Variants in ABCA1 observed in about 807,000 individuals in gnomAD.
ABCA1 encodes the protein phospholipid-transporting ATPase ABCA1.
ABCA1 carries 133 observed loss-of-function variants against 262.5 expected under a neutral mutation model. That is an observed-to-expected ratio of 0.51 (90% CI 0.44 to 0.59). The LOEUF (loss-of-function observed/expected upper bound fraction) is 0.59. Among genes scored for constraint, ABCA1 ranks in the 20% least tolerant of loss-of-function variants. The pLI, the probability that ABCA1 is intolerant of heterozygous loss-of-function variation, is 0.00. For missense variants in ABCA1, 2,452 were observed against 2,777.5 expected (o/e 0.88, Z 2.63); for synonymous variants, 1,022 against 1,043.5 (o/e 0.98, Z 0.40).
At chr9:104,902,248 G>T (rs1840725222) in intron 2 of ABCA1, among the ~76,000 whole-genome samples, 1 of 152,170 alleles carries the variant, frequency 6.6e-6, no homozygotes, top group Non-Finnish European at 1.5e-5. Flanking sequence ...TTAAAGCCAA[G>T]TTCTGGCACA....
In ABCA1 at chr9:104,861,760, GA is replaced by G. The variant is rs764966772; in HGVS notation, c.461del (p.Phe154SerfsTer20). On this transcript the variant is annotated frameshift_variant, in exon 6 of 50. Transcript: ENST00000374736. LOFTEE classifies it high-confidence loss of function. ...AGAGGTTGTGATACAGGAACCCAGA[GA>G]AGGTTTCATTGTCCACCAGGAAATC... ...LQDFLVDNET[F>X]SGFLYHNLSL... 6.2e-7 allele frequency: 1 copy of G among 1,613,350 alleles called. No homozygotes were observed. The highest frequency in any genetic ancestry group is 1.7e-5 in the Admixed American group (1 of 59,974).
chr9:104,831,234 TGAGA>T, intron 13 of ABCA1, 133 bp from the exon 14 acceptor site: 2 of 910,658 alleles, frequency 2.2e-6, no homozygotes, highest in Non-Finnish European at 3.3e-6. Context: ...TTTTTTTTTT[TGAGA>T]TGGAGTTTCA....
At chr9:104,861,886 T>TC in intron 5 of ABCA1, 86 bp from the exon 6 acceptor site, 1 of 1,236,602 alleles carries the variant, frequency 8.1e-7, no homozygotes, top group Non-Finnish European at 1.2e-6. Flanking sequence ...TGGAGAAACG[T>TC]TATCATAATA....
At chr9:104,784,511 A>G in intron 49 of ABCA1, 56 bp from the exon 50 acceptor site, 1 of 1,606,730 alleles carries the variant, frequency 6.2e-7, no homozygotes, top group Non-Finnish European at 8.5e-7. Flanking sequence ...CTCATTCTTT[A>G]TTCTAGTTCT....
At chr9:104,848,794 T>G (rs1168426857) in intron 7 of ABCA1, among the ~76,000 whole-genome samples, 2 of 152,018 alleles carry the variant, frequency 1.3e-5, no homozygotes, top group African/African-American at 2.4e-5. Flanking sequence ...GGTGGTATAT[T>G]CTGTGTCTGG....
intron 1 of ABCA1, among the ~76,000 whole-genome samples, chr9:104,920,870 G>A (rs1300928217): frequency 6.6e-6 from 1 of 152,152 alleles, no homozygotes; most frequent in Non-Finnish European, 1.5e-5. Flanking sequence ...TATAGGCCAA[G>A]CATTATATTA....
intron 5 of ABCA1, among the ~76,000 whole-genome samples, chr9:104,881,948 G>C (rs1202537107): frequency 1.4e-5 from 2 of 144,114 alleles, no homozygotes; most frequent in South Asian, 4.4e-4. Flanking sequence ...CCCTAAGACA[G>C]CTTTGCTTCC....
At chr9:104,873,286 A>T (rs1259857773) in intron 5 of ABCA1, among the ~76,000 whole-genome samples, 1 of 152,240 alleles carries the variant, frequency 6.6e-6, no homozygotes, top group Admixed American at 6.5e-5. Context: ...CTGGGGTTCC[A>T]CAAGGACAGA....
At chr9:104,893,166 T>C (rs1293199208) in intron 2 of ABCA1, among the ~76,000 whole-genome samples, 2 of 152,010 alleles carry the variant, frequency 1.3e-5, no homozygotes, top group Non-Finnish European at 2.9e-5. Flanking sequence ...CTCACACCTG[T>C]AATCCCAGCA....
intron 1 of ABCA1, among the ~76,000 whole-genome samples, chr9:104,925,489 G>C (rs1455891177): frequency 6.6e-6 from 1 of 152,108 alleles, no homozygotes; most frequent in Non-Finnish European, 1.5e-5. Flanking sequence ...ACGTGTCCAG[G>C]TTACAGTCAG....
intron 3 of ABCA1, among the ~76,000 whole-genome samples, chr9:104,886,025 T>C (rs1839137975): frequency 6.6e-6 from 1 of 152,136 alleles, no homozygotes; most frequent in Admixed American, 6.5e-5. Context: ...AAAGTACAAT[T>C]AACTTCACAG....
intron 1 of ABCA1, among the ~76,000 whole-genome samples, chr9:104,913,786 ATTT>A (rs914491489): frequency 6.7e-6 from 1 of 150,068 alleles, no homozygotes; most frequent in Non-Finnish European, 1.5e-5. Flanking sequence ...TTTTTATTTT[ATTT>A]TATTTATTTA....
At chr9:104,909,299 A>T (rs927118005) in intron 1 of ABCA1, among the ~76,000 whole-genome samples, 13 of 152,170 alleles carry the variant, frequency 8.5e-5, no homozygotes, top group African/African-American at 2.4e-4. Context: ...TCCTTCATTC[A>T]TGGGGCTCCT....
chr9:104,893,550 C>G (rs1241961688), intron 2 of ABCA1, among the ~76,000 whole-genome samples: 1 of 151,202 alleles, frequency 6.6e-6, no homozygotes, highest in Non-Finnish European at 1.5e-5. Flanking sequence ...CTGAAACTAC[C>G]ATTTGTACTT....
chr9:104,792,429 G>A (rs1476388081), intron 42 of ABCA1, among the ~76,000 whole-genome samples: 2 of 152,146 alleles, frequency 1.3e-5, no homozygotes, highest in African/African-American at 4.8e-5. Context: ...CTTGAACACA[G>A]GCAATATATC....
chr9:104,843,872 T>G (rs1439205847), intron 8 of ABCA1, among the ~76,000 whole-genome samples: 1 of 152,154 alleles, frequency 6.6e-6, no homozygotes, highest in Non-Finnish European at 1.5e-5. Flanking sequence ...AGGTGTTCTA[T>G]TGAAAGAGGC....
At chr9:104,816,095 G>C in intron 25 of ABCA1, 48 bp downstream of exon 25, 2 of 1,601,260 alleles carry the variant, frequency 1.2e-6, no homozygotes, top group Non-Finnish European at 1.7e-6. Context: ...TCTGGCCTTA[G>C]GACATTTGGC....
chr9:104,848,243 T>C (rs1247589261), intron 7 of ABCA1, among the ~76,000 whole-genome samples: 1 of 152,198 alleles, frequency 6.6e-6, no homozygotes, highest in Admixed American at 6.5e-5. Context: ...CATGGCAGAA[T>C]TGTAAATGAC....
chr9:104,792,338 T>C (rs1243175326), intron 42 of ABCA1, among the ~76,000 whole-genome samples: 4 of 152,208 alleles, frequency 2.6e-5, no homozygotes, highest in Non-Finnish European at 5.9e-5. Flanking sequence ...AAATTTGTAA[T>C]AAAAATATTG....
Sources: allele counts gnomAD v4.1 joint callset (sites outside exome capture counted in the v4.1 genomes callset), GRCh38; gene constraint gnomAD v4.1.1; transcripts MANE v1.5; gene names NCBI Gene and HGNC (gene_info 2026-07-23, HGNC 2026-07-21).